TMEM150C: variants seen among roughly 807,000 people sequenced by gnomAD.
TMEM150C encodes the protein transmembrane protein 150C, also known as tentonin 3.
In TMEM150C, 10 loss-of-function variants were observed where a neutral mutation model predicts 29.9. The observed-to-expected ratio is 0.33, with a 90% CI of 0.21 to 0.57. The LOEUF (loss-of-function observed/expected upper bound fraction) is 0.57, where lower values mean the gene tolerates loss of function less well. Among genes scored for constraint, TMEM150C ranks in the 20% least tolerant of loss-of-function variants. The pLI, the probability that TMEM150C is intolerant of heterozygous loss-of-function variation, is 0.88. For synonymous variants in TMEM150C, 101 were observed against 112.5 expected (o/e 0.90, Z 0.64); for missense variants, 251 against 303.6 (o/e 0.83, Z 1.29).
rs188194994 is a variant in TMEM150C, at chr4:82,520,479, C to G, written c.-10-15812G>C. On this transcript the variant is annotated intron_variant, in intron 1 of 7. Coordinates refer to ENST00000449862, the MANE Select transcript of TMEM150C (RefSeq NM_001080506.3). ...TAGACACCTCAATTTCTCCCACACC[C>G]CACATTCAATGTGCCCAAAATCCTG... 5.5e-3 allele frequency among the ~76,000 whole-genome samples: 842 copies of G among 152,300 alleles called. 4 individuals are homozygous for G. The highest frequency in any genetic ancestry group is 7.9e-3 in the Non-Finnish European group (540 of 68,028).
chr4:82,490,119 C>G lies in TMEM150C; in HGVS notation c.483G>C (p.Arg161=). 1 of 1,614,026 alleles carries G rather than the reference C, an allele frequency of 6.2e-7. No homozygotes were observed. The highest frequency in any genetic ancestry group is 8.5e-7 in the Non-Finnish European group (1 of 1,179,890). Residue 161 remains arginine, a synonymous_variant, in exon 7 of 8, where the codon CGG becomes CGC. Transcript: ENST00000449862. ...TLKVNIKNEG[R]RVGIPRVILS... The stretch of plus-strand genomic sequence containing the variant: ...GAATAACCCGTGGAATTCCAACTCT[C>G]CGTCCTTCATTCTTGATGTTGACCT...
chr4:82,501,956 T>G (rs748740547), intron 5 of TMEM150C, among the ~76,000 whole-genome samples: 1 of 152,212 alleles, frequency 6.6e-6, no homozygotes, highest in Non-Finnish European at 1.5e-5. Context: ...AAGGATGGGC[T>G]GTCTTTGGTC....
intron 1 of TMEM150C, among the ~76,000 whole-genome samples, chr4:82,522,307 G>C (rs1403985415): frequency 1.3e-5 from 2 of 152,148 alleles, no homozygotes; most frequent in Non-Finnish European, 1.5e-5. Context: ...GAAAACACTG[G>C]ATACTTTTGA....
chr4:82,490,245 G>C lies in TMEM150C; in HGVS notation c.364-7C>G. The C allele has an allele frequency of 1.2e-6, 2 of 1,613,586 alleles. No individual in the cohort carries two copies. Among genetic ancestry groups the C allele is most frequent in the Non-Finnish European group, 1.7e-6 (2 of 1,179,672 alleles). On this transcript the variant is annotated splice_polypyrimidine_tract_variant and splice_region_variant and intron_variant, in intron 6 of 7. Transcript: ENST00000449862. ...TTTCTTCATCATTTGTGAGCTTAGG[G>C]ATGAATGGATAATGACACATGAAGG...
Position 82,502,995 on chromosome 4 carries a change from C to T in TMEM150C, c.134+64G>A, listed in dbSNP as rs911890932. ...ACTGTCATTTGTGCAGTTTAACCTTCCCAGTGGGAAAGTTTTTGCTAAATC... is the reference window on the plus strand; with the variant it reads ...ACTGTCATTTGTGCAGTTTAACCTTTCCAGTGGGAAAGTTTTTGCTAAATC... On this transcript the variant is annotated intron_variant, in intron 3 of 7. Coordinates refer to ENST00000449862, the MANE Select transcript of TMEM150C (RefSeq NM_001080506.3). 3.1e-6 allele frequency: 5 copies of T among 1,602,172 alleles called. No homozygotes were observed. The African/African-American group carries it at 5.4e-5, about 17-fold the overall frequency.
At position 82,490,228 on chromosome 4, in the gene TMEM150C, T is replaced by A; in HGVS notation, c.374A>T (p.Asp125Val). Residue 125 changes from aspartate (D) to valine (V), a missense_variant, in exon 7 of 8, where the codon GAT becomes GTT. Asp to Val is a radical substitution (Grantham distance 152, BLOSUM62 -3). Coordinates refer to ENST00000449862, the MANE Select transcript of TMEM150C (RefSeq NM_001080506.3). ...TLLGNFQLTN[D>V]EEIHNVGTSL... ...AGTTCCGACGTTATGGATTTCTTCA[T>A]CATTTGTGAGCTTAGGGATGAATGG... is the stretch of plus-strand genomic sequence containing the variant. 2 of 1,613,880 alleles carry A rather than the reference T, an allele frequency of 1.2e-6. No individual in the cohort carries two copies. The highest frequency in any genetic ancestry group is 1.7e-6 in the Non-Finnish European group (2 of 1,179,850).
At chr4:82,532,422 C>T (rs184914304) in intron 1 of TMEM150C, among the ~76,000 whole-genome samples, 1 of 152,272 alleles carries the variant, frequency 6.6e-6, no homozygotes, top group African/African-American at 2.4e-5. Context: ...TATAAGGAAA[C>T]CACGAGGGTG....
chr4:82,536,343 C>A (rs1227399516), intron 1 of TMEM150C, among the ~76,000 whole-genome samples: 1 of 128,580 alleles, frequency 7.8e-6, no homozygotes, highest in Non-Finnish European at 1.6e-5. Context: ...GGCAACAGAG[C>A]GAGACTCCAT....
Position 82,485,858 on chromosome 4 carries a change from C to A in TMEM150C, c.542-139G>T, listed in dbSNP as rs1018158733. Reference sequence around the variant, plus strand: ...TGGTAGCCTGCTAGAGCTTGTTGAACACGAAAATCTATATGAATAATAAGT... The same window carrying A: ...TGGTAGCCTGCTAGAGCTTGTTGAAAACGAAAATCTATATGAATAATAAGT... On this transcript the variant is annotated intron_variant, in intron 7 of 7. Coordinates refer to ENST00000449862, the MANE Select transcript of TMEM150C (RefSeq NM_001080506.3). The A allele has an allele frequency of 9.8e-6, 7 of 710,778 alleles. No homozygotes were observed. In the African/African-American group the frequency reaches 1.1e-4, roughly 11 times the overall value. The allele number at this position is 710,778 out of a possible 1,614,324, so 44.0% of individuals were successfully genotyped here.
chr4:82,556,778 A>T (rs958134658), intron 1 of TMEM150C, among the ~76,000 whole-genome samples: 2 of 152,240 alleles, frequency 1.3e-5, no homozygotes, highest in Non-Finnish European at 2.9e-5. Flanking sequence ...CCAAAAAAAA[A>T]TAATAAAAAA....
chr4:82,514,478 T>C lies in TMEM150C; in HGVS notation c.-10-9811A>G, dbSNP rs543677998. On this transcript the variant is annotated intron_variant, in intron 1 of 7. Transcript: ENST00000449862. ...CATACGTTACCCAGCGACCATGGAT[T>C]TTCAGGCAGTGCATTTACTGGATGG... Among the ~76,000 whole-genome samples the C allele has an allele frequency of 3.3e-5, 5 of 152,256 alleles. No homozygotes were observed. The South Asian group carries it at 1.0e-3, about 32-fold the overall frequency.
In TMEM150C at chr4:82,496,164, T is replaced by C. The variant is rs1337462386; in HGVS notation, c.267A>G (p.Gln89=). The change falls in exon 6 of 8, where the codon CAA becomes CAG. Residue 89 remains glutamine (Q), a synonymous_variant. Transcript: ENST00000449862. ...ALVVAVLRFI[Q]LKPKVLNPWL... Reference sequence around the variant, plus strand: ...ACGGGTTTAAAACCTTCGGTTTCAGTTGTATGAAGCGCAGAACAGCTACCA... The same window carrying C: ...ACGGGTTTAAAACCTTCGGTTTCAGCTGTATGAAGCGCAGAACAGCTACCA... The C allele has an allele frequency of 3.1e-6, 5 of 1,613,766 alleles. No homozygotes were observed. The highest frequency in any genetic ancestry group is 1.7e-5 in the Admixed American group (1 of 59,996).
At chr4:82,493,846 G>A (rs1723452381) in intron 6 of TMEM150C, among the ~76,000 whole-genome samples, 1 of 152,176 alleles carries the variant, frequency 6.6e-6, no homozygotes. Flanking sequence ...TATATTCTAA[G>A]AATGCAGCTT....
chr4:82,529,273 CCCTT>C lies in TMEM150C; in HGVS notation c.-10-24610_-10-24607del, dbSNP rs1334286766. On this transcript the variant is annotated intron_variant, in intron 1 of 7. Coordinates refer to ENST00000449862, the MANE Select transcript of TMEM150C (RefSeq NM_001080506.3). ...TCCCTCCCTCCCTCTCTCCCTCCCT[CCCTT>C]CCTTCCTTCCTTCCTTTTTCTTTTT... Among the ~76,000 whole-genome samples, 462 of 144,872 alleles carry C rather than the reference CCCTT, an allele frequency of 3.2e-3. 1 individual carries two copies. Among genetic ancestry groups the C allele is most frequent in the Middle Eastern group, 6.8e-3 (2 of 292 alleles).
chr4:82,502,166 C>T (rs1017674152), intron 5 of TMEM150C, among the ~76,000 whole-genome samples: 6 of 152,086 alleles, frequency 3.9e-5, no homozygotes, highest in African/African-American at 1.2e-4. Flanking sequence ...GTCTTGGGCC[C>T]CAAAGAAAAA....
intron 1 of TMEM150C, among the ~76,000 whole-genome samples, chr4:82,510,716 T>C (rs1048879069): frequency 2.0e-5 from 3 of 152,234 alleles, no homozygotes; most frequent in Admixed American, 2.0e-4. Context: ...TGTCTTGTAA[T>C]TTATCAGGAA....
chr4:82,490,304 A>G, intron 6 of TMEM150C, 66 bp from the exon 7 acceptor site: 1 of 1,403,976 alleles, frequency 7.1e-7, no homozygotes, highest in Non-Finnish European at 1.0e-6. Flanking sequence ...AAGTTGAAGG[A>G]ATGAATATAT....
At chr4:82,550,164 T>G (rs1037083081) in intron 1 of TMEM150C, among the ~76,000 whole-genome samples, 4 of 152,176 alleles carry the variant, frequency 2.6e-5, no homozygotes, top group African/African-American at 4.8e-5. Context: ...CATGCTGTTC[T>G]CATGGTAGTG....
intron 5 of TMEM150C, among the ~76,000 whole-genome samples, chr4:82,496,948 T>C (rs1306189135): frequency 6.6e-6 from 1 of 152,254 alleles, no homozygotes; most frequent in Non-Finnish European, 1.5e-5. Context: ...GGATTTGGTA[T>C]GTACTAAAAA....
Sources: allele counts gnomAD v4.1 joint callset (sites outside exome capture counted in the v4.1 genomes callset), GRCh38; gene constraint gnomAD v4.1.1; transcripts MANE v1.5; gene names NCBI Gene and HGNC (gene_info 2026-07-23, HGNC 2026-07-21).